PAK5: variants seen among roughly 807,000 people sequenced by gnomAD.
The protein encoded by PAK5 is serine/threonine-protein kinase PAK 5.
PAK5 carries 16 observed loss-of-function variants against 65.9 expected under a neutral mutation model. That is an observed-to-expected ratio of 0.24 (90% CI 0.16 to 0.37). The LOEUF (loss-of-function observed/expected upper bound fraction) is 0.37, where lower values mean the gene tolerates loss of function less well. Ranked by LOEUF, PAK5 falls within the 10% of genes least tolerant of loss-of-function variation. PAK5 has a pLI of 1.00. For missense variants in PAK5, 785 were observed against 903.9 expected (o/e 0.87, Z 1.69); for synonymous variants, 371 against 354.9 (o/e 1.05, Z -0.51).
intron 2 of PAK5, among the ~76,000 whole-genome samples, chr20:9,695,002 A>C (rs984064415): frequency 4.0e-5 from 6 of 151,812 alleles, no homozygotes; most frequent in Non-Finnish European, 5.9e-5. Flanking sequence ...CTCAATTTAC[A>C]CTCCTGCCAA....
chr20:9,756,277 T>C (rs554081951), intron 1 of PAK5, among the ~76,000 whole-genome samples: 5 of 152,138 alleles, frequency 3.3e-5, no homozygotes, highest in Non-Finnish European at 5.9e-5. Context: ...AGGAGCACAA[T>C]CTAGTTGAGA....
chr20:9,565,426 C>T (rs192742352), intron 5 of PAK5, among the ~76,000 whole-genome samples: 2 of 152,210 alleles, frequency 1.3e-5, no homozygotes, highest in East Asian at 3.9e-4. Context: ...CCCTGGTCTA[C>T]TGTTTTAAAA....
intron 1 of PAK5, among the ~76,000 whole-genome samples, chr20:9,747,476 G>C (rs1428847174): frequency 7.3e-5 from 11 of 151,404 alleles, no homozygotes; most frequent in Admixed American, 7.2e-4. Flanking sequence ...ACATCAAAAA[G>C]CTTATCCACC....
intron 1 of PAK5, among the ~76,000 whole-genome samples, chr20:9,826,285 A>G (rs1169663148): frequency 6.6e-6 from 1 of 152,210 alleles, no homozygotes; most frequent in Non-Finnish European, 1.5e-5. Context: ...CTAAATTGAC[A>G]TAGTCAAATA....
chr20:9,724,701 T>A (rs1000086158), intron 1 of PAK5, among the ~76,000 whole-genome samples: 2 of 152,118 alleles, frequency 1.3e-5, no homozygotes, highest in Non-Finnish European at 2.9e-5. Context: ...ATTTCCATTA[T>A]AGTTCATCTT....
rs976245758 is a variant in PAK5, at chr20:9,658,136, C to G, written c.-11-13797G>C. On this transcript the variant is annotated intron_variant, in intron 2 of 9. Coordinates refer to ENST00000353224, the MANE Select transcript of PAK5 (RefSeq NM_177990.4). ...CTGTTATTTGTTTGTTTAAAACTTA[C>G]TGGGAATTATGAGTAGATTAGTTGA... Among the ~76,000 whole-genome samples the G allele has an allele frequency of 5.3e-5, 8 of 152,280 alleles. No individual in the cohort carries two copies. The East Asian group carries it at 1.4e-3, about 26-fold the overall frequency.
chr20:9,740,089 T>C (rs1231918707), intron 1 of PAK5, among the ~76,000 whole-genome samples: 2 of 152,140 alleles, frequency 1.3e-5, no homozygotes, highest in African/African-American at 4.8e-5. Context: ...GTGGAGTCTA[T>C]AGGGAAAAGG....
At chr20:9,584,268 A>C (rs1017147770) in intron 3 of PAK5, among the ~76,000 whole-genome samples, 2 of 152,066 alleles carry the variant, frequency 1.3e-5, no homozygotes, top group African/African-American at 4.8e-5. Context: ...GCAGCTTCCT[A>C]TTTCATTTCA....
At chr20:9,588,033 T>C (rs969595083) in intron 3 of PAK5, among the ~76,000 whole-genome samples, 20 of 152,202 alleles carry the variant, frequency 1.3e-4, no homozygotes, top group African/African-American at 4.8e-4. Flanking sequence ...TCATTCCCTT[T>C]GAAGATGAAA....
chr20:9,544,024 C>T (rs559734691), intron 8 of PAK5, among the ~76,000 whole-genome samples: 2 of 152,282 alleles, frequency 1.3e-5, no homozygotes, highest in African/African-American at 4.8e-5. Context: ...ATTCTCATGC[C>T]TGCTCATCTG....
At chr20:9,543,985 C>G (rs1356813460) in intron 8 of PAK5, among the ~76,000 whole-genome samples, 1 of 152,180 alleles carries the variant, frequency 6.6e-6, no homozygotes, top group East Asian at 1.9e-4. Flanking sequence ...TTTTGTGGCA[C>G]TTTCTTTGAT....
rs1342825051 is a variant in PAK5 at position 9,729,247 on chromosome 20, T to A, written c.-161-17812A>T. Reference sequence around the variant, plus strand: ...GAAACTCCATCTCAAAAAAAAAAAATTCATAATAAAAATTTAAAATTTATT... The same window carrying A: ...GAAACTCCATCTCAAAAAAAAAAAAATCATAATAAAAATTTAAAATTTATT... On this transcript the variant is annotated intron_variant, in intron 1 of 9. Transcript: ENST00000353224. 2.0e-5 allele frequency among the ~76,000 whole-genome samples: 3 copies of A among 151,548 alleles called. No individual in the cohort carries two copies. In the South Asian group the frequency reaches 6.3e-4, roughly 32 times the overall value.
chr20:9,555,574 G>A (rs972718915), intron 7 of PAK5, among the ~76,000 whole-genome samples: 10 of 152,118 alleles, frequency 6.6e-5, no homozygotes, highest in Admixed American at 5.9e-4. Context: ...GGTGCTTTCC[G>A]GAGTCAGGCC....
intron 1 of PAK5, among the ~76,000 whole-genome samples, chr20:9,716,589 C>T (rs932055793): frequency 1.3e-5 from 2 of 152,152 alleles, no homozygotes; most frequent in East Asian, 1.9e-4. Flanking sequence ...TCTAAGGATT[C>T]GTACTACTTT....
chr20:9,835,134 A>G (rs1979040312), intron 1 of PAK5, among the ~76,000 whole-genome samples: 1 of 152,266 alleles, frequency 6.6e-6, no homozygotes, highest in Non-Finnish European at 1.5e-5. Context: ...TGAAGTTGGC[A>G]CAGGAAAATG....
At chr20:9,705,208 A>C (rs1014852423) in intron 2 of PAK5, among the ~76,000 whole-genome samples, 2 of 151,942 alleles carry the variant, frequency 1.3e-5, no homozygotes, top group Admixed American at 6.6e-5. Context: ...AAATCAAGAA[A>C]ATCTGAAGAG....
intron 9 of PAK5, among the ~76,000 whole-genome samples, chr20:9,541,887 GCT>G (rs796842912): frequency 6.6e-6 from 1 of 152,098 alleles, no homozygotes; most frequent in African/African-American, 2.4e-5. Flanking sequence ...TCCCCTGTGC[GCT>G]CTCTCTCTCC....
At chr20:9,596,525 A>G (rs957872002) in intron 3 of PAK5, among the ~76,000 whole-genome samples, 2 of 150,914 alleles carry the variant, frequency 1.3e-5, no homozygotes, top group Admixed American at 6.6e-5. Flanking sequence ...AGTCCCAGCT[A>G]CTCGGGAGGC....
chr20:9,651,478 CA>C (rs1168266246), intron 2 of PAK5, among the ~76,000 whole-genome samples: 2 of 152,166 alleles, frequency 1.3e-5, no homozygotes, highest in Non-Finnish European at 2.9e-5. Flanking sequence ...TCAACCTTTT[CA>C]AAACAATGAC....
Sources: gnomAD v4.1 joint callset for allele counts (sites outside exome capture counted in the v4.1 genomes callset) on GRCh38, gnomAD v4.1.1 for gene constraint, MANE v1.5 for transcripts, NCBI Gene and HGNC (gene_info 2026-07-23, HGNC 2026-07-21) for gene names.